MCTP1: variants seen among roughly 807,000 people sequenced by gnomAD.
MCTP1 encodes multiple C2 and transmembrane domain-containing protein 1.
In MCTP1, 69 loss-of-function variants were observed where a neutral mutation model predicts 120.6. The ratio of observed to expected loss-of-function variants is 0.57; its 90% CI spans 0.47 to 0.70. The LOEUF (loss-of-function observed/expected upper bound fraction) is 0.70. MCTP1 is among the 30% of genes least tolerant of loss of function. MCTP1 has a pLI of 0.00. For missense variants in MCTP1, 1,203 were observed against 1,248.8 expected, an observed-to-expected ratio of 0.96 and a Z score of 0.55; for synonymous variants, 529 against 493.1, an observed-to-expected ratio of 1.07 and a Z score of -0.96.
intron 1 of MCTP1, among the ~76,000 whole-genome samples, chr5:95,087,618 T>G (rs1220207716): frequency 6.6e-6 from 1 of 152,176 alleles, no homozygotes; most frequent in Non-Finnish European, 1.5e-5. Context: ...AACAAAAGCT[T>G]TTAAAGGCCA....
intron 19 of MCTP1, among the ~76,000 whole-genome samples, chr5:94,755,882 T>C (rs1769706983): frequency 6.6e-6 from 1 of 152,208 alleles, no homozygotes; most frequent in African/African-American, 2.4e-5. Flanking sequence ...TTTCTACTTC[T>C]ACCATCTGCT....
At chr5:94,979,935 T>C (rs1282975909) in intron 2 of MCTP1, among the ~76,000 whole-genome samples, 5 of 152,136 alleles carry the variant, frequency 3.3e-5, no homozygotes, top group African/African-American at 9.7e-5. Context: ...TTGGTGCTAA[T>C]AATAAGGAAA....
intron 2 of MCTP1, among the ~76,000 whole-genome samples, chr5:95,000,220 A>T (rs1390321048): frequency 6.6e-6 from 1 of 152,224 alleles, no homozygotes; most frequent in East Asian, 1.9e-4. Context: ...AGTTACATAA[A>T]AGACTAGCAC....
At chr5:94,843,359 G>A (rs948771060) in intron 17 of MCTP1, among the ~76,000 whole-genome samples, 1 of 152,170 alleles carries the variant, frequency 6.6e-6, no homozygotes, top group Non-Finnish European at 1.5e-5. Flanking sequence ...TTACAATCGT[G>A]TGTATGTGTA....
chr5:94,911,624 C>T (rs888998217), intron 9 of MCTP1, among the ~76,000 whole-genome samples: 2 of 152,196 alleles, frequency 1.3e-5, no homozygotes, highest in African/African-American at 2.4e-5. Flanking sequence ...GTACAGCTTG[C>T]AGAACTGGGA....
At chr5:94,897,973 G>T (rs903421410) in intron 10 of MCTP1, among the ~76,000 whole-genome samples, 13 of 152,150 alleles carry the variant, frequency 8.5e-5, no homozygotes, top group Non-Finnish European at 1.9e-4. Flanking sequence ...AGAGAAGAAG[G>T]CTGTAAGTTA....
At chr5:94,933,488 A>T (rs529561124) in intron 5 of MCTP1, among the ~76,000 whole-genome samples, 17 of 151,986 alleles carry the variant, frequency 1.1e-4, no homozygotes, top group Admixed American at 6.6e-4. Flanking sequence ...AAACTGCCCC[A>T]TAAGAGTTGG....
chr5:94,911,312 T>C (rs986120108), intron 9 of MCTP1, among the ~76,000 whole-genome samples: 1 of 152,166 alleles, frequency 6.6e-6, no homozygotes, highest in African/African-American at 2.4e-5. Context: ...GAGGACATAG[T>C]TCATTACAAC....
intron 1 of MCTP1, among the ~76,000 whole-genome samples, chr5:95,140,442 G>A (rs541181162): frequency 1.6e-4 from 24 of 152,030 alleles, no homozygotes; most frequent in Non-Finnish European, 2.6e-4. Flanking sequence ...ATTATTCTAA[G>A]CAGAAACTTT....
intron 1 of MCTP1, among the ~76,000 whole-genome samples, chr5:95,074,652 CA>C (rs1178375506): frequency 3.9e-5 from 6 of 152,252 alleles, no homozygotes; most frequent in Admixed American, 3.9e-4. Context: ...AGTATATGTG[CA>C]GTGCCAAGTG....
intron 1 of MCTP1, among the ~76,000 whole-genome samples, chr5:95,235,410 G>A (rs897189980): frequency 1.3e-5 from 2 of 151,842 alleles, no homozygotes; most frequent in Non-Finnish European, 1.5e-5. Flanking sequence ...AGAAAAGGAC[G>A]TGCATTCTTA....
chr5:94,925,878 G>A (rs1301555396), intron 6 of MCTP1, among the ~76,000 whole-genome samples: 1 of 151,826 alleles, frequency 6.6e-6, no homozygotes, highest in African/African-American at 2.4e-5. Flanking sequence ...AGATGCATTG[G>A]GAATATCTTA....
At chr5:95,072,280 C>T (rs1582151895) in intron 1 of MCTP1, among the ~76,000 whole-genome samples, 1 of 152,220 alleles carries the variant, frequency 6.6e-6, no homozygotes, top group East Asian at 1.9e-4. Context: ...TAAGTCCTAC[C>T]CTCTTAACCC....
chr5:94,948,333 C>T (rs977138157), intron 3 of MCTP1, among the ~76,000 whole-genome samples: 1 of 152,138 alleles, frequency 6.6e-6, no homozygotes, highest in South Asian at 2.1e-4. Context: ...ATGGTAGTAA[C>T]CATTACTATG....
At chr5:94,928,000 C>G (rs916343984) in intron 6 of MCTP1, among the ~76,000 whole-genome samples, 4 of 151,876 alleles carry the variant, frequency 2.6e-5, no homozygotes, top group African/African-American at 9.7e-5. Flanking sequence ...GACACCATCA[C>G]AGTAGTCTGT....
At chr5:94,768,203 G>A (rs1773242573) in intron 19 of MCTP1, among the ~76,000 whole-genome samples, 1 of 152,118 alleles carries the variant, frequency 6.6e-6, no homozygotes, top group South Asian at 2.1e-4. Context: ...ATATCCATAT[G>A]CAGAAGAATA....
chr5:94,947,577 T>G (rs7443700), intron 3 of MCTP1, among the ~76,000 whole-genome samples: 487 of 47,406 alleles, frequency 0.01, 19 homozygotes, highest in African/African-American at 0.029. Context: ...TATATATATA[T>G]AGAGAGAGAG....
intron 1 of MCTP1, among the ~76,000 whole-genome samples, chr5:95,070,967 G>A (rs915562917): frequency 6.6e-6 from 1 of 152,162 alleles, no homozygotes; most frequent in Non-Finnish European, 1.5e-5. Context: ...GAAGTTCCGT[G>A]GGATTAGGGT....
intron 2 of MCTP1, among the ~76,000 whole-genome samples, chr5:94,967,430 T>C (rs1340688165): frequency 6.6e-6 from 1 of 152,102 alleles, no homozygotes; most frequent in East Asian, 1.9e-4. Flanking sequence ...AATAAGGGAG[T>C]AAATTCCCCA....
Sources: allele counts gnomAD v4.1 joint callset (sites outside exome capture counted in the v4.1 genomes callset), GRCh38; gene constraint gnomAD v4.1.1; transcripts MANE v1.5; gene names NCBI Gene and HGNC (gene_info 2026-07-23, HGNC 2026-07-21).